The following CTTNBP2 variants were observed in gnomAD, a reference collection of about 807,000 sequenced individuals.
CTTNBP2 encodes cortactin-binding protein 2.
CTTNBP2 carries 108 observed loss-of-function variants against 156.9 expected under a neutral mutation model. That is an observed-to-expected ratio of 0.69 (90% CI 0.59 to 0.81). CTTNBP2 has a LOEUF of 0.81. Among genes scored for constraint, CTTNBP2 ranks in the 30% least tolerant of loss-of-function variants. The pLI is 0.00. For synonymous variants in CTTNBP2, 767 were observed against 751.8 expected (o/e 1.02, Z -0.33); for missense variants, 1,924 against 2,035.4 (o/e 0.95, Z 1.05).
At chr7:117,860,562 C>CTCAA (rs1227024432) in intron 2 of CTTNBP2, among the ~76,000 whole-genome samples, 1 of 152,102 alleles carries the variant, frequency 6.6e-6, no homozygotes, top group African/African-American at 2.4e-5. Flanking sequence ...CCAGGATGGT[C>CTCAA]TCAATCTCCT....
At chr7:117,723,543 A>C (rs1414185716) in intron 19 of CTTNBP2, among the ~76,000 whole-genome samples, 1 of 152,108 alleles carries the variant, frequency 6.6e-6, no homozygotes, top group Non-Finnish European at 1.5e-5. Context: ...TTTTATTCCA[A>C]TTTGGATTTG....
chr7:117,771,856 C>A (rs548258832), intron 8 of CTTNBP2, among the ~76,000 whole-genome samples: 1 of 152,278 alleles, frequency 6.6e-6, no homozygotes, highest in Non-Finnish European at 1.5e-5. Context: ...GAACACCTAA[C>A]TCCAAGAAGC....
rs1244582930 is a variant in CTTNBP2 at position 117,777,580 on chromosome 7, T to C, written c.2709A>G (p.Ala903=). The C allele has an allele frequency of 6.2e-7, 1 of 1,614,044 alleles. No homozygotes were observed. The highest frequency in any genetic ancestry group is 8.5e-7 in the Non-Finnish European group (1 of 1,179,954). Residue 903 remains alanine, a synonymous_variant, in exon 8 of 23, where the codon GCA becomes GCG. Transcript: ENST00000160373. ...CTCTGTTGGCGTGGTTAATGAGGTC[T>C]GCAGGAACAACAGGCTTGGATATGC... ...PEGISKPVVP[A]DLINHANREG... is the part of the protein sequence containing the mutation.
At chr7:117,742,492 T>C (rs753245594) in intron 14 of CTTNBP2, among the ~76,000 whole-genome samples, 4 of 151,958 alleles carry the variant, frequency 2.6e-5, no homozygotes, top group Non-Finnish European at 5.9e-5. Context: ...AGATGCGGGA[T>C]GGGGAGGGGC....
At chr7:117,756,688 G>T in intron 11 of CTTNBP2, 54 bp from the exon 12 acceptor site, 1 of 1,097,846 alleles carries the variant, frequency 9.1e-7, no homozygotes, top group South Asian at 1.2e-5. Flanking sequence ...AAATATAAAC[G>T]ATCAAAACAC....
In CTTNBP2 at chr7:117,718,019, T is replaced by G; in HGVS notation, c.4745A>C (p.Lys1582Thr). The G allele has an allele frequency of 6.3e-7, 1 of 1,593,816 alleles. No homozygotes were observed. The highest frequency in any genetic ancestry group is 8.6e-7 in the Non-Finnish European group (1 of 1,161,556). The change falls in exon 22 of 23, where the codon AAG (lysine) becomes ACG (threonine). Residue 1582 changes from lysine to threonine, a missense_variant and splice_region_variant. Lys to Thr is a moderately conservative substitution (Grantham distance 78). Coordinates refer to ENST00000160373, the MANE Select transcript of CTTNBP2 (RefSeq NM_033427.3). Reference protein sequence around the residue: ...INNLRMPVSQKEVSPLSSHQT... With the variant: ...INNLRMPVSQTEVSPLSSHQT... ...CTTTGGGGAGAAAGGGACACTTACC[T>G]TTTGTGACACTGGCATTCTCAGATT... is the stretch of plus-strand genomic sequence containing the variant.
chr7:117,747,831 T>C (rs1182049768), intron 12 of CTTNBP2, among the ~76,000 whole-genome samples: 3 of 152,084 alleles, frequency 2.0e-5, no homozygotes, highest in African/African-American at 7.2e-5. Context: ...GGAAGGTTGG[T>C]GAGCACTTCT....
At chr7:117,832,453 C>T (rs1337663386) in intron 2 of CTTNBP2, among the ~76,000 whole-genome samples, 2 of 152,124 alleles carry the variant, frequency 1.3e-5, no homozygotes, top group African/African-American at 2.4e-5. Context: ...CAAGAGTTCT[C>T]CAATACCTAA....
chr7:117,768,464 G>A (rs1797624302), intron 8 of CTTNBP2, among the ~76,000 whole-genome samples: 1 of 150,566 alleles, frequency 6.6e-6, no homozygotes, highest in African/African-American at 2.5e-5. Flanking sequence ...TACCCCGGAG[G>A]CTAAGGCAGG....
At chr7:117,797,750 G>A (rs896544579) in intron 3 of CTTNBP2, among the ~76,000 whole-genome samples, 14 of 150,906 alleles carry the variant, frequency 9.3e-5, no homozygotes, top group Admixed American at 2.6e-4. Context: ...GCAAGTATTC[G>A]ATTTGAAGAG....
chr7:117,839,183 G>A (rs1802130954), intron 2 of CTTNBP2, among the ~76,000 whole-genome samples: 1 of 152,100 alleles, frequency 6.6e-6, no homozygotes, highest in African/African-American at 2.4e-5. Context: ...TTCATAGTGT[G>A]TTCTCCTCAC....
At chr7:117,718,737 C>T (rs551419894) in intron 21 of CTTNBP2, among the ~76,000 whole-genome samples, 3 of 152,304 alleles carry the variant, frequency 2.0e-5, no homozygotes, top group Admixed American at 6.5e-5. Context: ...ATGCATTATA[C>T]AAGCTAATTC....
At chr7:117,740,701 ACCCTGTGGCCTCAT>A (rs1795960120) in intron 14 of CTTNBP2, among the ~76,000 whole-genome samples, 1 of 152,118 alleles carries the variant, frequency 6.6e-6, no homozygotes, top group Non-Finnish European at 1.5e-5. Flanking sequence ...TGACTTCTCT[ACCCTGTGGCCTCAT>A]CCATCGCCTC....
intron 8 of CTTNBP2, among the ~76,000 whole-genome samples, chr7:117,774,024 T>G (rs1031238436): frequency 1.3e-5 from 2 of 152,170 alleles, no homozygotes; most frequent in African/African-American, 4.8e-5. Flanking sequence ...TAAATTTGTT[T>G]CAGTTGCAGG....
chr7:117,842,236 T>G (rs1802318147), intron 2 of CTTNBP2, among the ~76,000 whole-genome samples: 1 of 152,202 alleles, frequency 6.6e-6, no homozygotes, highest in African/African-American at 2.4e-5. Context: ...GTTTCACTCT[T>G]GTTGCCTAGG....
chr7:117,811,234 A>G (rs745736362), intron 2 of CTTNBP2, among the ~76,000 whole-genome samples: 4 of 152,110 alleles, frequency 2.6e-5, no homozygotes, highest in African/African-American at 7.2e-5. Context: ...TGATGCAAAT[A>G]TAGTTATTTC....
intron 8 of CTTNBP2, among the ~76,000 whole-genome samples, chr7:117,769,224 A>G (rs138687085): frequency 6.6e-6 from 1 of 152,346 alleles, no homozygotes; most frequent in African/African-American, 2.4e-5. Context: ...TGAGTTTGCT[A>G]GAAAGTACAG....
chr7:117,724,560 G>A lies in CTTNBP2; in HGVS notation c.4434C>T (p.Asp1478=), dbSNP rs1265735649. 6 of 1,613,468 alleles carry A rather than the reference G, an allele frequency of 3.7e-6. No individual in the cohort carries two copies. Among genetic ancestry groups the A allele is most frequent in the Non-Finnish European group, 1.7e-6 (2 of 1,179,944 alleles). ...RFSLPTWNKP[D]LSTEGMKNKT... is the part of the protein sequence containing the mutation. ...CCCGCCCTTTACCTTCAGTGCTTAG[G>A]TCTGGCTTATTCCAGGTGGGTAAAG... is the stretch of plus-strand genomic sequence containing the variant. The change falls in exon 19 of 23, where the codon GAC becomes GAT. Residue 1478 remains aspartate, a synonymous_variant. Coordinates refer to ENST00000160373, the MANE Select transcript of CTTNBP2 (RefSeq NM_033427.3).
At chr7:117,814,359 G>A (rs1800456430) in intron 2 of CTTNBP2, among the ~76,000 whole-genome samples, 1 of 151,656 alleles carries the variant, frequency 6.6e-6, no homozygotes, top group South Asian at 2.1e-4. Flanking sequence ...ACTGTTAAAT[G>A]CAGACGAATT....
Sources: gnomAD v4.1 joint callset for allele counts (sites outside exome capture counted in the v4.1 genomes callset) on GRCh38, gnomAD v4.1.1 for gene constraint, MANE v1.5 for transcripts, NCBI Gene and HGNC (gene_info 2026-07-23, HGNC 2026-07-21) for gene names.